Variants in XRCC1 observed in about 807,000 individuals in gnomAD.
The protein encoded by XRCC1 is DNA repair protein XRCC1.
Under a neutral mutation model 83.3 loss-of-function variants are expected in XRCC1, and 52 were observed. The observed-to-expected ratio is 0.62, with a 90% confidence interval of 0.50 to 0.79. XRCC1 has a LOEUF of 0.79. XRCC1 is among the 30% of genes least tolerant of loss of function. The pLI, the probability that XRCC1 is intolerant of heterozygous loss-of-function variation, is 0.00. For synonymous variants in XRCC1, 281 were observed against 312.6 expected (o/e 0.90, Z 1.07); for missense variants, 793 against 823.5 (o/e 0.96, Z 0.45).
At chr19:43,548,196 G>T (rs915777672) in intron 10 of XRCC1, among the ~76,000 whole-genome samples, 3 of 151,542 alleles carry the variant, frequency 2.0e-5, no homozygotes, top group Admixed American at 1.3e-4. Context: ...TCCGGGAGGT[G>T]GGGGGCGCCT....
intron 1 of XRCC1, 30 bp downstream of exon 1, chr19:43,575,378 C>A (rs373214725): frequency 2.2e-5 from 35 of 1,575,852 alleles, no homozygotes; most frequent in Non-Finnish European, 2.9e-5. Flanking sequence ...TCCCTCACGT[C>A]TTCCAACCTC....
chr19:43,557,011 A>G lies in XRCC1; in HGVS notation c.256-2207T>C, dbSNP rs1021621226. ...CGGAGCAAGACTCTGCCAAAAAACA[A>G]AAAACGAAACAAAAAGACTGGGCAC... On this transcript the variant is annotated intron_variant, in intron 3 of 16. Coordinates refer to ENST00000262887, the MANE Select transcript of XRCC1 (RefSeq NM_006297.3). 3.3e-5 allele frequency among the ~76,000 whole-genome samples: 5 copies of G among 151,504 alleles called. No individual in the cohort carries two copies. In the South Asian group the frequency reaches 1.0e-3, roughly 32 times the overall value.
rs750638455 is a variant in XRCC1, at chr19:43,552,201, G to C, written c.898C>G (p.Arg300Gly). 6.2e-7 allele frequency: 1 copy of C among 1,613,776 alleles called. No individual in the cohort carries two copies. Among genetic ancestry groups the C allele is most frequent in the Admixed American group, 1.7e-5 (1 of 59,980 alleles). ...RAQGAVTGKPRGEGTEPRRPR... is the reference protein window; with the variant it reads ...RAQGAVTGKPGGEGTEPRRPR... ...CGTCTGGGCTCGGTGCCTTCTCCTC[G>C]GGGTTTGCCTGTCACTGCCCCCTGT... Residue 300 changes from arginine to glycine, a missense_variant, in exon 9 of 17, where the codon CGA becomes GGA. By Grantham distance (125) the Arg-to-Gly change is moderately radical. Transcript: ENST00000262887.
In XRCC1 at chr19:43,573,790, G is replaced by A. The variant is rs527817714; in HGVS notation, c.144+1120C>T. Among the ~76,000 whole-genome samples the A allele has an allele frequency of 1.2e-4, 18 of 152,216 alleles. No homozygotes were observed. In the South Asian group the frequency reaches 2.7e-3, roughly 23 times the overall value. Reference sequence around the variant, plus strand: ...CTCAGGAGGCTGAGGTGGGAGGATCGCTTGAGCCCAGGAGGTAGAGGCTGC... The same window carrying A: ...CTCAGGAGGCTGAGGTGGGAGGATCACTTGAGCCCAGGAGGTAGAGGCTGC... On this transcript the variant is annotated intron_variant, in intron 2 of 16. Transcript: ENST00000262887.
At chr19:43,569,365 A>G (rs1972784977) in intron 2 of XRCC1, among the ~76,000 whole-genome samples, 2 of 151,696 alleles carry the variant, frequency 1.3e-5, no homozygotes, top group Non-Finnish European at 2.9e-5. Context: ...AGTCCCAACT[A>G]CTGAGGAGGC....
At position 43,543,525 on chromosome 19, in the gene XRCC1, C is replaced by T; in HGVS notation, c.1789-20G>A. On this transcript the variant is annotated intron_variant, in intron 16 of 16. Coordinates refer to ENST00000262887, the MANE Select transcript of XRCC1 (RefSeq NM_006297.3). ...CAGGGCCTGCAGGGTGGGGTGGAGT[C>T]CATACGGGAATGTGTCATCGAGGGG... 6.2e-7 allele frequency: 1 copy of T among 1,613,432 alleles called. No homozygotes were observed. Among genetic ancestry groups the T allele is most frequent in the Non-Finnish European group, 8.5e-7 (1 of 1,179,616 alleles).
chr19:43,573,904 C>G (rs970942140), intron 2 of XRCC1, among the ~76,000 whole-genome samples: 2 of 152,036 alleles, frequency 1.3e-5, no homozygotes, highest in Non-Finnish European at 2.9e-5. Context: ...GATTGACTGT[C>G]AGGCAAATTG....
chr19:43,574,975 C>T lies in XRCC1; in HGVS notation c.79G>A (p.Ala27Thr). 1.9e-6 allele frequency: 3 copies of T among 1,614,088 alleles called. No individual in the cohort carries two copies. The highest frequency in any genetic ancestry group is 2.5e-6 in the Non-Finnish European group (3 of 1,180,002). Residue 27 changes from alanine to threonine, a missense_variant, in exon 2 of 17, where the codon GCA (alanine) becomes ACA (threonine). Transcript: ENST00000262887. ...GCCCGCCATTTTCGGTAAGTGTCTG[C>T]CTTGAGAAGATTTTCTGCACAGTGA... ...STHCAENLLKADTYRKWRAAK... is the reference protein window; with the variant it reads ...STHCAENLLKTDTYRKWRAAK...
At position 43,552,048 on chromosome 19, in the gene XRCC1, G is replaced by A; in HGVS notation, c.1051C>T (p.Pro351Ser). The A allele has an allele frequency of 6.2e-7, 1 of 1,614,066 alleles. No individual in the cohort carries two copies. Among genetic ancestry groups the A allele is most frequent in the Non-Finnish European group, 8.5e-7 (1 of 1,179,968 alleles). ...KALELGAKYR[P>S]DWTRDSTHLI... ...TGCGTGCTGTCCCGGGTCCAGTCTGGCCGATACTTGGCCCCAAGCTCTAGG... is the reference window on the plus strand; with the variant it reads ...TGCGTGCTGTCCCGGGTCCAGTCTGACCGATACTTGGCCCCAAGCTCTAGG... Residue 351 changes from proline to serine, a missense_variant, in exon 9 of 17, where the codon CCA becomes TCA. Coordinates refer to ENST00000262887, the MANE Select transcript of XRCC1 (RefSeq NM_006297.3).
chr19:43,563,721 G>C (rs1209375735), intron 2 of XRCC1, among the ~76,000 whole-genome samples: 2 of 152,038 alleles, frequency 1.3e-5, no homozygotes, highest in Non-Finnish European at 2.9e-5. Flanking sequence ...TGTGCTTCAG[G>C]TGCCCACTCA....
At chr19:43,548,773 A>AG (rs1972545699) in intron 10 of XRCC1, among the ~76,000 whole-genome samples, 1 of 125,744 alleles carries the variant, frequency 8.0e-6, no homozygotes, top group African/African-American at 3.0e-5. Context: ...GATCAAAAAA[A>AG]AAAAAAAAAA....
chr19:43,544,845 G>C (rs1422467609), intron 14 of XRCC1, among the ~76,000 whole-genome samples: 1 of 151,554 alleles, frequency 6.6e-6, no homozygotes, highest in Admixed American at 6.6e-5. Context: ...CGGGGGTCGG[G>C]GGGGGTCTCA....
intron 2 of XRCC1, among the ~76,000 whole-genome samples, chr19:43,561,792 G>A (rs1338338899): frequency 6.6e-6 from 1 of 152,170 alleles, no homozygotes; most frequent in Non-Finnish European, 1.5e-5. Flanking sequence ...AGGCAGTTAG[G>A]TTGAGGCAAG....
At position 43,574,986 on chromosome 19, in the gene XRCC1, T is replaced by C. The variant is rs368913835; in HGVS notation, c.68A>G (p.Asn23Ser). ...TCGGTAAGTGTCTGCCTTGAGAAGA[T>C]TTTCTGCACAGTGAGTCTGGAAACA... Reference protein sequence around the residue: ...SSQDSTHCAENLLKADTYRKW... With the variant: ...SSQDSTHCAESLLKADTYRKW... The change falls in exon 2 of 17, where the codon AAT (asparagine) becomes AGT (serine). Residue 23 changes from asparagine (N) to serine (S), a missense_variant. Asn to Ser is a conservative substitution (Grantham distance 46). Coordinates refer to ENST00000262887, the MANE Select transcript of XRCC1 (RefSeq NM_006297.3). The C allele has an allele frequency of 6.2e-7, 1 of 1,613,908 alleles. No individual in the cohort carries two copies. The highest frequency in any genetic ancestry group is 1.1e-5 in the South Asian group (1 of 91,070).
Position 43,554,820 on chromosome 19 carries a change from C to T in XRCC1, c.256-16G>A. The stretch of plus-strand genomic sequence containing the variant: ...CCAGAAGGACCTGGGTGGGAGAAGC[C>T]ACAGTGCATGAGAACCAGGGCAGGT... On this transcript the variant is annotated splice_polypyrimidine_tract_variant and intron_variant, in intron 3 of 16. Transcript: ENST00000262887. The T allele has an allele frequency of 1.2e-6, 2 of 1,606,318 alleles. No homozygotes were observed. The highest frequency in any genetic ancestry group is 1.7e-6 in the Non-Finnish European group (2 of 1,174,322).
chr19:43,552,337 C>T, intron 8 of XRCC1, 62 bp from the exon 9 acceptor site: 1 of 1,276,608 alleles, frequency 7.8e-7, no homozygotes, highest in Non-Finnish European at 1.1e-6. Flanking sequence ...AGCCCCTCCT[C>T]CCTCAGACCC....
chr19:43,549,390 G>A (rs2854502), intron 10 of XRCC1, among the ~76,000 whole-genome samples: 24,717 of 152,004 alleles, frequency 0.16, 2,087 homozygotes, highest in Non-Finnish European at 0.19. Flanking sequence ...CTCTAGAGTA[G>A]CTGGGGCTAC....
At chr19:43,557,379 T>A (rs1357929097) in intron 3 of XRCC1, among the ~76,000 whole-genome samples, 13 of 151,624 alleles carry the variant, frequency 8.6e-5, no homozygotes, top group Admixed American at 7.9e-4. Context: ...ACTGACTTAG[T>A]CTCTTTTCTA....
At chr19:43,543,759 T>C in intron 15 of XRCC1, 72 bp from the exon 16 acceptor site, 1 of 1,417,992 alleles carries the variant, frequency 7.1e-7, no homozygotes, top group Non-Finnish European at 9.9e-7. Context: ...CCCCAGCCAC[T>C]CTCAATGGCT....
Sources: gnomAD v4.1 joint callset for allele counts (sites outside exome capture counted in the v4.1 genomes callset) on GRCh38, gnomAD v4.1.1 for gene constraint, MANE v1.5 for transcripts, NCBI Gene and HGNC (gene_info 2026-07-23, HGNC 2026-07-21) for gene names.